The following URB2 variants were observed in gnomAD, a reference collection of about 807,000 sequenced individuals.
URB2 encodes the protein URB2 ribosome biogenesis homolog.
A neutral mutation model predicts 120.9 loss-of-function variants in URB2; 86 were observed. The ratio of observed to expected loss-of-function variants is 0.71; its 90% CI spans 0.60 to 0.85. URB2 has a LOEUF of 0.85. Ranked by LOEUF, URB2 falls within the 40% of genes least tolerant of loss-of-function variation. The pLI, the probability that URB2 is intolerant of heterozygous loss-of-function variation, is 0.00. For synonymous variants in URB2, 755 were observed against 758.4 expected, an observed-to-expected ratio of 1.00 and a Z score of 0.07; for missense variants, 1,765 against 1,836.5, an observed-to-expected ratio of 0.96 and a Z score of 0.71.
At chr1:229,631,769 T>C (rs373393502) in intron 2 of URB2, among the ~76,000 whole-genome samples, 1 of 152,140 alleles carries the variant, frequency 6.6e-6, no homozygotes, top group African/African-American at 2.4e-5. Context: ...GTAACATCAG[T>C]GATCACTGGT....
rs140253441 is a variant in URB2 at position 229,636,366 on chromosome 1, G to T, written c.1753G>T (p.Ala585Ser). Residue 585 changes from alanine to serine, a missense_variant, in exon 4 of 10, where the codon GCC (alanine) becomes TCC (serine). Coordinates refer to ENST00000258243, the MANE Select transcript of URB2 (RefSeq NM_014777.4). Reference protein sequence around the residue: ...MMRELVQPLLALLPDTPGPEP... With the variant: ...MMRELVQPLLSLLPDTPGPEP... ...GAGGGAGCTCGTGCAGCCCCTGCTG[G>T]CCCTTCTCCCGGACACCCCAGGCCC... 3.7e-6 allele frequency: 6 copies of T among 1,614,208 alleles called. No individual in the cohort carries two copies. Among genetic ancestry groups the T allele is most frequent in the South Asian group, 2.2e-5 (2 of 91,084 alleles).
chr1:229,640,221 A>G (rs1188121217), intron 4 of URB2, among the ~76,000 whole-genome samples: 1 of 152,246 alleles, frequency 6.6e-6, no homozygotes, highest in Non-Finnish European at 1.5e-5. Context: ...ATACTTTTCT[A>G]TGATTTAATT....
At chr1:229,654,497 C>T (rs1666360260) in intron 9 of URB2, 109 bp downstream of exon 9, 5 of 1,501,682 alleles carry the variant, frequency 3.3e-6, no homozygotes, top group East Asian at 2.3e-5. Context: ...TTCTCTGTTG[C>T]TGTGTGCAAG....
chr1:229,631,560 C>T (rs184649865), intron 2 of URB2, among the ~76,000 whole-genome samples: 2 of 152,200 alleles, frequency 1.3e-5, no homozygotes, highest in East Asian at 3.9e-4. Context: ...ACCTGGAGGC[C>T]ATTGTAGGGT....
Position 229,636,885 on chromosome 1 carries a change from G to A in URB2, c.2272G>A (p.Asp758Asn), listed in dbSNP as rs1405092095. The change falls in exon 4 of 10, where the codon GAT becomes AAT. Residue 758 changes from aspartate (D) to asparagine (N), a missense_variant. By Grantham distance (23) the Asp-to-Asn change is conservative. Coordinates refer to ENST00000258243, the MANE Select transcript of URB2 (RefSeq NM_014777.4). ...TTTAATATCCTATCTGTGTCCAGATGATGTGGGATACCTGGCCAGTGTCCT... is the reference window on the plus strand; with the variant it reads ...TTTAATATCCTATCTGTGTCCAGATAATGTGGGATACCTGGCCAGTGTCCT... ...TILISYLCPD[D>N]VGYLASVLLR... 1.2e-6 allele frequency: 2 copies of A among 1,611,506 alleles called. No individual in the cohort carries two copies. The highest frequency in any genetic ancestry group is 2.2e-5 in the South Asian group (2 of 90,846).
chr1:229,643,437 A>G (rs778923660), intron 4 of URB2, 96 bp from the exon 5 acceptor site: 22 of 1,440,210 alleles, frequency 1.5e-5, no homozygotes, highest in Admixed American at 5.7e-5. Context: ...GTGATTTTTG[A>G]TGGCGGCCAC....
chr1:229,641,868 G>A (rs1490613029), intron 4 of URB2, among the ~76,000 whole-genome samples: 1 of 152,026 alleles, frequency 6.6e-6, no homozygotes, highest in African/African-American at 2.4e-5. Flanking sequence ...CAAAAAGCCG[G>A]TGTGGGTAGC....
intron 9 of URB2, among the ~76,000 whole-genome samples, 183 bp downstream of exon 9, chr1:229,654,571 C>G (rs898864411): frequency 1.8e-4 from 27 of 152,200 alleles, no homozygotes; most frequent in African/African-American, 6.0e-4. Flanking sequence ...TAGCACACTA[C>G]AGCCTCGAAC....
chr1:229,633,761 A>G (rs1327769279), intron 3 of URB2, among the ~76,000 whole-genome samples: 1 of 152,160 alleles, frequency 6.6e-6, no homozygotes, highest in Non-Finnish European at 1.5e-5. Flanking sequence ...GGTGTTTGTG[A>G]ATTTTGGAAT....
At chr1:229,629,969 C>T (rs933775336) in intron 2 of URB2, among the ~76,000 whole-genome samples, 1 of 152,214 alleles carries the variant, frequency 6.6e-6, no homozygotes, top group Non-Finnish European at 1.5e-5. Flanking sequence ...AACAACTTAT[C>T]CATTCAAGTT....
chr1:229,636,668 T>G lies in URB2; in HGVS notation c.2055T>G (p.Thr685=), dbSNP rs768909689. The G allele has an allele frequency of 2.5e-6, 4 of 1,614,210 alleles. No homozygotes were observed. The highest frequency in any genetic ancestry group is 3.4e-6 in the Non-Finnish European group (4 of 1,180,052). ...TGTACCTGCAGAAAATGAAAAGGAC[T>G]TTAATGCAAACTAGTTTCCGGTCTG... ...EQLYLQKMKR[T]LMQTSFRSEG... is the part of the protein sequence containing the mutation. Residue 685 remains threonine (T), a synonymous_variant, in exon 4 of 10, where the codon ACT becomes ACG. Coordinates refer to ENST00000258243, the MANE Select transcript of URB2 (RefSeq NM_014777.4).
In URB2 at chr1:229,647,487, CTTTA is replaced by C; in HGVS notation, c.3907-19_3907-16del. On this transcript the variant is annotated intron_variant, in intron 6 of 9. Transcript: ENST00000258243. ...CCTTGGGGAATTACTTTCATTTTTC[CTTTA>C]TTTTATTTTGCCCTTTAGCTCTTAA... is the stretch of plus-strand genomic sequence containing the variant. 6.2e-7 allele frequency: 1 copy of C among 1,600,270 alleles called. No homozygotes were observed. The highest frequency in any genetic ancestry group is 8.5e-7 in the Non-Finnish European group (1 of 1,170,204).
intron 5 of URB2, 84 bp from the exon 6 acceptor site, chr1:229,645,775 C>T: frequency 1.7e-6 from 2 of 1,190,958 alleles, no homozygotes; most frequent in Admixed American, 1.7e-5. Context: ...GCCACAGCCC[C>T]AGAGAGCAGT....
chr1:229,634,835 T>G, intron 3 of URB2, 82 bp from the exon 4 acceptor site: 1 of 1,292,752 alleles, frequency 7.7e-7, no homozygotes, highest in Non-Finnish European at 1.0e-6. Context: ...GGTGAGTTTG[T>G]TGATTTTTTT....
chr1:229,632,811 G>GTTTTTTTT (rs5781547), intron 3 of URB2, among the ~76,000 whole-genome samples: 1 of 101,848 alleles, frequency 9.8e-6, no homozygotes, highest in Non-Finnish European at 2.0e-5. Flanking sequence ...TTCCTCAAAG[G>GTTTTTTTT]TTTTTTTTTT....
chr1:229,627,147 G>A (rs1488601997), intron 1 of URB2, among the ~76,000 whole-genome samples: 1 of 152,222 alleles, frequency 6.6e-6, no homozygotes, highest in African/African-American at 2.4e-5. Flanking sequence ...AAGTGTTAGT[G>A]GAAGGTTACT....
rs373850787 is a variant in URB2, at chr1:229,636,707, A to C, written c.2094A>C (p.Gln698His). The change falls in exon 4 of 10, where the codon CAA becomes CAC. Residue 698 changes from glutamine to histidine, a missense_variant. Transcript: ENST00000258243. The part of the protein sequence containing the change: ...QTSFRSEGAI[Q>H]SLRCDAAFII... ...GTTTCCGGTCTGAAGGAGCCATCCA[A>C]AGTTTGAGGTGCGATGCTGCCTTTA... is the stretch of plus-strand genomic sequence containing the variant. The C allele has an allele frequency of 6.2e-7, 1 of 1,613,904 alleles. No homozygotes were observed. Among genetic ancestry groups the C allele is most frequent in the Non-Finnish European group, 8.5e-7 (1 of 1,179,932 alleles).
chr1:229,634,578 C>T (rs1013280296), intron 3 of URB2, among the ~76,000 whole-genome samples: 1 of 152,138 alleles, frequency 6.6e-6, no homozygotes, highest in Non-Finnish European at 1.5e-5. Context: ...CATCTAAGCT[C>T]AATTGCAGGT....
intron 3 of URB2, 55 bp from the exon 4 acceptor site, chr1:229,634,862 G>C: frequency 7.2e-7 from 1 of 1,394,638 alleles, no homozygotes; most frequent in Non-Finnish European, 9.4e-7. Context: ...TACTTTTCTT[G>C]TGTATGTATG....
Sources: gnomAD v4.1 joint callset for allele counts (sites outside exome capture counted in the v4.1 genomes callset) on GRCh38, gnomAD v4.1.1 for gene constraint, MANE v1.5 for transcripts, NCBI Gene and HGNC (gene_info 2026-07-23, HGNC 2026-07-21) for gene names.